Variants in CFAP47 observed in about 807,000 individuals in gnomAD.
CFAP47 encodes cilia and flagella associated protein 47.
In CFAP47, 29 loss-of-function variants were observed where a neutral mutation model predicts 148.1. That is an observed-to-expected ratio of 0.20 (90% CI 0.15 to 0.27). CFAP47 has a LOEUF of 0.27. Ranked by LOEUF, CFAP47 falls within the 10% of genes least tolerant of loss-of-function variation. CFAP47 has a pLI of 1.00. For missense variants in CFAP47, 1,872 were observed against 1,697.5 expected (o/e 1.10, Z -1.81); for synonymous variants, 664 against 577.3 (o/e 1.15, Z -2.15).
At chrX:35,978,401 A>C (rs1936598258) in intron 15 of CFAP47, among the ~76,000 whole-genome samples, 1 of 112,205 alleles carries the variant, frequency 8.9e-6, no homozygotes, top group South Asian at 3.6e-4. Flanking sequence ...CTGGAGTACC[A>C]GTTATGCTTC....
chrX:36,362,326 C>T (rs1556019421), intron 61 of CFAP47, among the ~76,000 whole-genome samples: 1 of 112,056 alleles, frequency 8.9e-6, no homozygotes. Flanking sequence ...ATCCCCTTTC[C>T]AACTAGTAGT....
chrX:36,125,979 G>A (rs1192338394), intron 33 of CFAP47, among the ~76,000 whole-genome samples: 3 of 109,911 alleles, frequency 2.7e-5, no homozygotes, highest in African/African-American at 9.9e-5. Flanking sequence ...AATGTTACCT[G>A]GAACTTCCAT....
At chrX:36,246,612 C>G (rs1216561176) in intron 48 of CFAP47, among the ~76,000 whole-genome samples, 1 of 111,400 alleles carries the variant, frequency 9.0e-6, no homozygotes. Flanking sequence ...TGGGAAACCA[C>G]CCTCGTGATC....
At chrX:36,205,176 T>C in intron 45 of CFAP47, 66 bp downstream of exon 45, 1 of 293,798 alleles carries the variant, frequency 3.4e-6, no homozygotes, top group Non-Finnish European at 6.0e-6. Context: ...CACTTCACAG[T>C]TGAGGCAAAA....
At chrX:36,349,778 G>A (rs782328006) in intron 58 of CFAP47, among the ~76,000 whole-genome samples, 1 of 110,899 alleles carries the variant, frequency 9.0e-6, no homozygotes, top group South Asian at 3.8e-4. Flanking sequence ...ATTAAAGTAG[G>A]GAAAAAAGCT....
intron 51 of CFAP47, among the ~76,000 whole-genome samples, chrX:36,289,944 T>C (rs991536855): frequency 9.0e-6 from 1 of 110,831 alleles, no homozygotes; most frequent in African/African-American, 3.3e-5. Flanking sequence ...GAGGGTCTGC[T>C]GTCCAAATAA....
At chrX:35,935,470 A>C (rs1292836135) in intron 2 of CFAP47, among the ~76,000 whole-genome samples, 1 of 111,435 alleles carries the variant, frequency 9.0e-6, no homozygotes, top group African/African-American at 3.3e-5. Context: ...GAGGTGATTC[A>C]AAACTGTGTT....
intron 22 of CFAP47, among the ~76,000 whole-genome samples, chrX:36,026,233 C>T (rs1937215109): frequency 8.9e-6 from 1 of 111,898 alleles, no homozygotes; most frequent in South Asian, 3.7e-4. Context: ...TCAGACACAT[C>T]TTCCAAATTG....
chrX:35,924,260 T>C (rs1015857626), intron 1 of CFAP47, among the ~76,000 whole-genome samples: 12 of 102,484 alleles, frequency 1.2e-4, no homozygotes, highest in South Asian at 4.0e-4. Context: ...TATGGACATG[T>C]ATGTGTACAT....
chrX:36,175,594 C>T, intron 39 of CFAP47, among the ~76,000 whole-genome samples: 1 of 112,101 alleles, frequency 8.9e-6, no homozygotes, highest in Non-Finnish European at 1.9e-5. Flanking sequence ...GGGGTGGTGC[C>T]TCCCAGTTAG....
At chrX:35,930,075 TG>T (rs1472484308) in intron 2 of CFAP47, among the ~76,000 whole-genome samples, 1 of 111,938 alleles carries the variant, frequency 8.9e-6, no homozygotes, top group East Asian at 2.8e-4. Flanking sequence ...TCAGTATTTT[TG>T]GATGGCCTTT....
intron 57 of CFAP47, among the ~76,000 whole-genome samples, chrX:36,329,235 A>G (rs1360662279): frequency 9.0e-6 from 1 of 111,567 alleles, no homozygotes; most frequent in East Asian, 2.8e-4. Context: ...CATATATCCC[A>G]TGATAAAGAG....
chrX:36,289,569 TA>T (rs1556005252), intron 51 of CFAP47, among the ~76,000 whole-genome samples: 1 of 111,779 alleles, frequency 8.9e-6, no homozygotes, highest in African/African-American at 3.2e-5. Context: ...AACACTCATA[TA>T]AAAAATATTC....
At chrX:36,144,715 T>C (rs756725816) in intron 35 of CFAP47, 33 of 1,022,792 alleles carry the variant, frequency 3.2e-5, no homozygotes, top group Non-Finnish European at 4.3e-5. Context: ...TTTGCTTGTT[T>C]TTTTGTTTGT....
chrX:36,026,002 T>A (rs1937211693), intron 22 of CFAP47, among the ~76,000 whole-genome samples: 1 of 111,884 alleles, frequency 8.9e-6, no homozygotes, highest in Non-Finnish European at 1.9e-5. Flanking sequence ...AGCTAGAGGG[T>A]TGATAAATAT....
At chrX:36,381,898 A>G (rs1942081715) in intron 63 of CFAP47, among the ~76,000 whole-genome samples, 1 of 110,660 alleles carries the variant, frequency 9.0e-6, no homozygotes, top group Non-Finnish European at 1.9e-5. Context: ...TATAAGTAAT[A>G]TAGTATTCAT....
chrX:35,984,614 C>G (rs936266641), intron 15 of CFAP47, among the ~76,000 whole-genome samples: 4 of 111,425 alleles, frequency 3.6e-5, no homozygotes, highest in African/African-American at 1.3e-4. Context: ...CTGCTTAATA[C>G]TGTATTAGCT....
chrX:36,357,077 AGT>A (rs1941791742), intron 60 of CFAP47, among the ~76,000 whole-genome samples: 1 of 111,940 alleles, frequency 8.9e-6, no homozygotes, highest in East Asian at 2.8e-4. Context: ...AGTAGAAGAA[AGT>A]GTGAATCCTG....
At chrX:35,924,531 A>C (rs180981071) in intron 1 of CFAP47, among the ~76,000 whole-genome samples, 1,997 of 100,868 alleles carry the variant, frequency 0.02, 78 homozygotes, top group African/African-American at 0.076. Context: ...ATATATGCAC[A>C]TATATGTGCA....
Sources: gnomAD v4.1 joint callset for allele counts (sites outside exome capture counted in the v4.1 genomes callset) on GRCh38, gnomAD v4.1.1 for gene constraint, MANE v1.5 for transcripts, NCBI Gene and HGNC (gene_info 2026-07-23, HGNC 2026-07-21) for gene names.